DIP2B: variants seen among roughly 807,000 people sequenced by gnomAD.
The protein encoded by DIP2B is DIP2 acetate--CoA ligase B (putative).
A neutral mutation model predicts 198.0 loss-of-function variants in DIP2B; 76 were observed. The observed-to-expected ratio is 0.38, with a 90% CI of 0.32 to 0.46. The LOEUF (loss-of-function observed/expected upper bound fraction) is 0.46. Among genes scored for constraint, DIP2B ranks in the 20% least tolerant of loss-of-function variants. The pLI, the probability that DIP2B is intolerant of heterozygous loss-of-function variation, is 0.99. For missense variants in DIP2B, 1,559 were observed against 1,978.4 expected (o/e 0.79, Z 4.02); for synonymous variants, 701 against 739.1 (o/e 0.95, Z 0.84).
intron 3 of DIP2B, among the ~76,000 whole-genome samples, chr12:50,641,694 G>A (rs184846015): frequency 1.2e-4 from 19 of 152,320 alleles, no homozygotes; most frequent in Non-Finnish European, 2.5e-4. Flanking sequence ...GCATGCTCCT[G>A]CTTGTACTGT....
At chr12:50,537,639 A>G (rs535021944) in intron 1 of DIP2B, among the ~76,000 whole-genome samples, 2 of 152,292 alleles carry the variant, frequency 1.3e-5, no homozygotes, top group African/African-American at 4.8e-5. Context: ...GGATTTGGGC[A>G]TCATCTTCAT....
At chr12:50,624,501 T>A (rs916167380) in intron 1 of DIP2B, among the ~76,000 whole-genome samples, 1 of 151,988 alleles carries the variant, frequency 6.6e-6, no homozygotes, top group African/African-American at 2.4e-5. Context: ...CCCAGCTAAT[T>A]TTTTGTATTT....
At position 50,744,681 on chromosome 12, in the gene DIP2B, G is replaced by A; in HGVS notation, c.4573G>A (p.Val1525Met). The change falls in exon 38 of 38, where the codon GTG becomes ATG. Residue 1525 changes from valine (V) to methionine (M), a missense_variant. Physicochemically the swap from Val to Met is conservative, Grantham distance 21. Coordinates refer to ENST00000301180, the MANE Select transcript of DIP2B (RefSeq NM_173602.3). ...ALDLVPLVTN[V>M]VLEEHYLIVG... ...AGATCTGGTCCCATTAGTGACCAAC[G>A]TGGTCCTGGAAGAGCATTACCTCAT... 3 of 1,614,202 alleles carry A rather than the reference G, an allele frequency of 1.9e-6. No individual in the cohort carries two copies. The highest frequency in any genetic ancestry group is 2.5e-6 in the Non-Finnish European group (3 of 1,180,052).
At chr12:50,708,236 A>G (rs142769318) in intron 21 of DIP2B, among the ~76,000 whole-genome samples, 119 of 152,302 alleles carry the variant, frequency 7.8e-4, no homozygotes, top group African/African-American at 2.6e-3. Context: ...ATTTACCACT[A>G]TGTCCCCAAC....
chr12:50,603,080 C>T (rs962188914), intron 1 of DIP2B, among the ~76,000 whole-genome samples: 39 of 151,312 alleles, frequency 2.6e-4, no homozygotes, highest in African/African-American at 9.2e-4. Flanking sequence ...AGGAGAATGG[C>T]GTGAACCCGG....
chr12:50,585,579 A>C (rs1415853567), intron 1 of DIP2B, among the ~76,000 whole-genome samples: 1 of 152,188 alleles, frequency 6.6e-6, no homozygotes, highest in Non-Finnish European at 1.5e-5. Context: ...TTAGAAGACT[A>C]GGTCAGTAGG....
chr12:50,623,435 A>T (rs757690622), intron 1 of DIP2B, among the ~76,000 whole-genome samples: 4,745 of 40,598 alleles, frequency 0.12, 85 homozygotes, highest in East Asian at 0.16. Context: ...ACACACACAC[A>T]CACTCTCTCT....
At chr12:50,550,051 G>A (rs1958414179) in intron 1 of DIP2B, among the ~76,000 whole-genome samples, 1 of 152,102 alleles carries the variant, frequency 6.6e-6, no homozygotes, top group Non-Finnish European at 1.5e-5. Flanking sequence ...TCTGAGCCTT[G>A]AGTATTCCTG....
Position 50,571,604 on chromosome 12 carries a change from G to C in DIP2B, c.101-54372G>C, listed in dbSNP as rs560480806. Reference sequence around the variant, plus strand: ...GTCTCACTCTGTCACCTAGGCTGGAGTGCAATGGCGTGATCTTGGCTCACT... The same window carrying C: ...GTCTCACTCTGTCACCTAGGCTGGACTGCAATGGCGTGATCTTGGCTCACT... On this transcript the variant is annotated intron_variant, in intron 1 of 37. Coordinates refer to ENST00000301180, the MANE Select transcript of DIP2B (RefSeq NM_173602.3). Among the ~76,000 whole-genome samples the C allele has an allele frequency of 5.0e-5, 7 of 139,272 alleles. No individual in the cohort carries two copies. The East Asian group carries it at 1.6e-3, about 32-fold the overall frequency. The allele number at this position is 139,272 out of a possible 152,430, so 91.4% of individuals were successfully genotyped here. A position where few individuals can be genotyped will look rare whatever the true frequency, so the allele number is the denominator to read the frequency against.
intron 1 of DIP2B, among the ~76,000 whole-genome samples, chr12:50,620,868 C>T (rs1937798670): frequency 6.6e-6 from 1 of 152,158 alleles, no homozygotes; most frequent in African/African-American, 2.4e-5. Context: ...GTTCCCTCCT[C>T]ACATTCAGTC....
At position 50,674,586 on chromosome 12, in the gene DIP2B, G is replaced by A. The variant is rs759894187; in HGVS notation, c.753G>A (p.Met251Ile). The A allele has an allele frequency of 6.2e-7, 1 of 1,614,180 alleles. No homozygotes were observed. The highest frequency in any genetic ancestry group is 8.5e-7 in the Non-Finnish European group (1 of 1,180,032). The change falls in exon 6 of 38, where the codon ATG (methionine) becomes ATA (isoleucine). Residue 251 changes from methionine to isoleucine, a missense_variant. Transcript: ENST00000301180. ...CCCCCTCGGGGATAGTTAAAGGCAT[G>A]CACAAAGGATCCAACAGGTCCAGCC... ...DLPPSGIVKG[M>I]HKGSNRSSLM...
chr12:50,650,237 A>G (rs1490793133), intron 3 of DIP2B, among the ~76,000 whole-genome samples: 1 of 152,214 alleles, frequency 6.6e-6, no homozygotes, highest in Admixed American at 6.5e-5. Context: ...AAATGAAAAC[A>G]TCACAAAACT....
At chr12:50,570,731 A>G (rs1489102659) in intron 1 of DIP2B, among the ~76,000 whole-genome samples, 1 of 152,240 alleles carries the variant, frequency 6.6e-6, no homozygotes, top group African/African-American at 2.4e-5. Flanking sequence ...ACAACAACAA[A>G]CAATAAAATA....
At chr12:50,523,196 TAAA>T (rs1958135598) in intron 1 of DIP2B, among the ~76,000 whole-genome samples, 1 of 152,202 alleles carries the variant, frequency 6.6e-6, no homozygotes, top group South Asian at 2.1e-4. Flanking sequence ...TCAAGTCTGC[TAAA>T]AAATGGCATG....
rs1940340936 is a variant in DIP2B at position 50,746,369 on chromosome 12, C to T, written c.*1530C>T. ...TATTTTAATAATACATATTATTTAC[C>T]CCACTGTAACATCATGTAAACTAAG... On this transcript the variant is annotated 3_prime_UTR_variant, in exon 38 of 38. Transcript: ENST00000301180. 4 of 151,912 alleles carry T rather than the reference C, an allele frequency of 2.6e-5. No individual in the cohort carries two copies. Among genetic ancestry groups the T allele is most frequent in the Admixed American group, 2.0e-4 (3 of 15,242 alleles). The allele number at this position is 151,912 out of a possible 1,614,324, so 9.4% of individuals were successfully genotyped here.
intron 22 of DIP2B, among the ~76,000 whole-genome samples, chr12:50,710,229 G>A (rs1302277377): frequency 6.6e-6 from 1 of 152,192 alleles, no homozygotes; most frequent in Non-Finnish European, 1.5e-5. Context: ...AGTAGGCTCA[G>A]TAAATATTTG....
At chr12:50,531,575 C>CCTTTG (rs1425928621) in intron 1 of DIP2B, among the ~76,000 whole-genome samples, 1 of 152,130 alleles carries the variant, frequency 6.6e-6, no homozygotes, top group Non-Finnish European at 1.5e-5. Flanking sequence ...TTGGTGGTGA[C>CCTTTG]CTTTGCCTAA....
chr12:50,646,766 T>G (rs900400081), intron 3 of DIP2B, among the ~76,000 whole-genome samples: 1 of 152,132 alleles, frequency 6.6e-6, no homozygotes, highest in African/African-American at 2.4e-5. Flanking sequence ...TGGATTCTTC[T>G]GATTTAATGC....
At chr12:50,635,416 T>C (rs1938140873) in intron 2 of DIP2B, among the ~76,000 whole-genome samples, 1 of 152,194 alleles carries the variant, frequency 6.6e-6, no homozygotes, top group South Asian at 2.1e-4. Flanking sequence ...TTATTAATAT[T>C]TGTTGATGTT....
Sources: allele counts gnomAD v4.1 joint callset (sites outside exome capture counted in the v4.1 genomes callset), GRCh38; gene constraint gnomAD v4.1.1; transcripts MANE v1.5; gene names NCBI Gene and HGNC (gene_info 2026-07-23, HGNC 2026-07-21).